The following NRXN3 variants were observed in gnomAD, a reference collection of about 807,000 sequenced individuals.
NRXN3 encodes neurexin 3.
Under a neutral mutation model 137.6 loss-of-function variants are expected in NRXN3, and 32 were observed. The observed-to-expected ratio is 0.23, with a 90% CI of 0.18 to 0.31. The LOEUF (loss-of-function observed/expected upper bound fraction) is 0.31. Ranked by LOEUF, NRXN3 falls within the 10% of genes least tolerant of loss-of-function variation. The pLI is 1.00. For missense variants in NRXN3, 1,574 were observed against 2,062.5 expected, an observed-to-expected ratio of 0.76 and a Z score of 4.59; for synonymous variants, 798 against 784.5, an observed-to-expected ratio of 1.02 and a Z score of -0.29.
At chr14:79,264,523 TGTG>T (rs1413549594) in intron 15 of NRXN3, among the ~76,000 whole-genome samples, 24 of 1,474 alleles carry the variant, frequency 0.016, no homozygotes, top group Middle Eastern at 0.5. Context: ...GTTTACATGA[TGTG>T]TGTGTGTGTG....
chr14:78,859,309 G>T (rs1460877797), intron 10 of NRXN3, among the ~76,000 whole-genome samples: 3 of 152,016 alleles, frequency 2.0e-5, no homozygotes, highest in Non-Finnish European at 4.4e-5. Context: ...CCTTCATAGC[G>T]GTGTGAGAAT....
intron 16 of NRXN3, among the ~76,000 whole-genome samples, chr14:79,583,696 T>C (rs926462766): frequency 1.3e-5 from 2 of 152,160 alleles, no homozygotes; most frequent in Non-Finnish European, 2.9e-5. Flanking sequence ...AAAAACTGTT[T>C]ATGTTTGGAG....
At chr14:79,322,796 G>A (rs966170191) in intron 15 of NRXN3, among the ~76,000 whole-genome samples, 1 of 152,224 alleles carries the variant, frequency 6.6e-6, no homozygotes, top group African/African-American at 2.4e-5. Flanking sequence ...GAAATGTACA[G>A]TGCAAATTAT....
chr14:79,394,156 G>A (rs1292949807), intron 15 of NRXN3, among the ~76,000 whole-genome samples: 2 of 152,174 alleles, frequency 1.3e-5, no homozygotes, highest in African/African-American at 4.8e-5. Context: ...TAAAAATTGT[G>A]TTGAAAGGTA....
intron 4 of NRXN3, among the ~76,000 whole-genome samples, chr14:78,424,992 A>G (rs1468385521): frequency 6.6e-6 from 1 of 152,172 alleles, no homozygotes; most frequent in Non-Finnish European, 1.5e-5. Context: ...GTGTCTGAGG[A>G]CAGTGGCTTG....
rs973384744 is a variant in NRXN3, at chr14:79,818,086, C to T, written c.4093+12896C>T. 1.2e-4 allele frequency among the ~76,000 whole-genome samples: 14 copies of T among 121,050 alleles called. No individual in the cohort carries two copies. The South Asian group carries it at 1.4e-3, about 12-fold the overall frequency. The allele number at this position is 121,050 out of a possible 152,430, so 79.4% of individuals were successfully genotyped here. Reference sequence around the variant, plus strand: ...TTTTTTTTTTTTTGAGACGGAGTCTCGCTGTCACCCAGGCTGGAGTGCAGT... The same window carrying T: ...TTTTTTTTTTTTTGAGACGGAGTCTTGCTGTCACCCAGGCTGGAGTGCAGT... On this transcript the variant is annotated intron_variant, in intron 20 of 20. Transcript: ENST00000335750.
intron 15 of NRXN3, among the ~76,000 whole-genome samples, chr14:79,156,092 A>G (rs2060230285): frequency 6.6e-6 from 1 of 151,864 alleles, no homozygotes. Flanking sequence ...ATAATAAAAC[A>G]ACCATCACAA....
At chr14:78,733,435 A>T (rs1567174876) in intron 8 of NRXN3, among the ~76,000 whole-genome samples, 1 of 152,172 alleles carries the variant, frequency 6.6e-6, no homozygotes, top group Non-Finnish European at 1.5e-5. Context: ...TAGTCTATGT[A>T]GCCATTTCAA....
intron 20 of NRXN3, among the ~76,000 whole-genome samples, chr14:79,849,017 GTCATCATTCTT>G (rs2099386262): frequency 6.6e-6 from 1 of 152,024 alleles, no homozygotes; most frequent in African/African-American, 2.4e-5. Context: ...CTCCACATTT[GTCATCATTCTT>G]GGGCCCCTGT....
At chr14:78,751,493 C>G (rs1189223630) in intron 8 of NRXN3, among the ~76,000 whole-genome samples, 4 of 152,122 alleles carry the variant, frequency 2.6e-5, no homozygotes, top group Non-Finnish European at 5.9e-5. Context: ...TTCTTGGAGG[C>G]TGTGTCTCCT....
rs2098253032 is a variant in NRXN3, at chr14:78,698,908, A to G, written c.1222-10309A>G. Among the ~76,000 whole-genome samples the G allele has an allele frequency of 2.6e-5, 4 of 152,190 alleles. No homozygotes were observed. The South Asian group carries it at 8.3e-4, about 32-fold the overall frequency. On this transcript the variant is annotated intron_variant, in intron 6 of 20. Transcript: ENST00000335750. The stretch of plus-strand genomic sequence containing the variant: ...CATCTCATTACTTATTTTCAGGCAG[A>G]ATAGATATAGAGGCTTCTTTCTGCA...
At chr14:78,940,190 C>G (rs182834034) in intron 10 of NRXN3, among the ~76,000 whole-genome samples, 1 of 152,306 alleles carries the variant, frequency 6.6e-6, no homozygotes, top group Middle Eastern at 3.4e-3. Flanking sequence ...CTTGCATGCT[C>G]TCTTAATCTC....
At chr14:79,126,757 T>A (rs926567521) in intron 15 of NRXN3, among the ~76,000 whole-genome samples, 1 of 152,146 alleles carries the variant, frequency 6.6e-6, no homozygotes, top group Non-Finnish European at 1.5e-5. Context: ...CACACTGACT[T>A]CCACAATGGT....
chr14:78,948,628 C>CTTTTTTTTTTTTTTTTTTTTTTTTTT (rs201010514), intron 10 of NRXN3, among the ~76,000 whole-genome samples: 8 of 108,604 alleles, frequency 7.4e-5, no homozygotes, highest in African/African-American at 1.3e-4. Flanking sequence ...ACACATTTAA[C>CTTTTTTTTTTTTTTTTTTTTTTTTTT]TTTTTTTTTT....
At chr14:79,769,878 C>T (rs2099070869) in intron 19 of NRXN3, among the ~76,000 whole-genome samples, 1 of 152,102 alleles carries the variant, frequency 6.6e-6, no homozygotes, top group African/African-American at 2.4e-5. Context: ...TCAGGAAACC[C>T]ATCTCACATG....
chr14:78,368,659 C>T (rs975422425), intron 4 of NRXN3, among the ~76,000 whole-genome samples: 1 of 152,186 alleles, frequency 6.6e-6, no homozygotes, highest in Admixed American at 6.5e-5. Flanking sequence ...CACACCATTG[C>T]ACTCCAGCCT....
intron 15 of NRXN3, among the ~76,000 whole-genome samples, chr14:79,331,291 A>G (rs2091645819): frequency 6.6e-6 from 1 of 152,204 alleles, no homozygotes. Flanking sequence ...CTTATGCACA[A>G]GGTATAAAAG....
chr14:79,419,650 A>G (rs1341963062), intron 15 of NRXN3, among the ~76,000 whole-genome samples: 2 of 152,214 alleles, frequency 1.3e-5, no homozygotes, highest in Admixed American at 6.5e-5. Flanking sequence ...TGAAAGAGAG[A>G]GAGAAAGACA....
chr14:79,348,681 C>T lies in NRXN3; in HGVS notation c.3263-118540C>T, dbSNP rs554152877. On this transcript the variant is annotated intron_variant, in intron 15 of 20. Coordinates refer to ENST00000335750, the MANE Select transcript of NRXN3 (RefSeq NM_001330195.2). ...CGTAAGCCACCGCGCCCGGCCTAAT[C>T]TTCTTAATTTGTCACTTAGAGTAGG... 2.5e-3 allele frequency among the ~76,000 whole-genome samples: 379 copies of T among 152,202 alleles called. 2 individuals carry two copies. The highest frequency in any genetic ancestry group is 8.9e-3 in the African/African-American group (368 of 41,548).
Sources: allele counts gnomAD v4.1 joint callset (sites outside exome capture counted in the v4.1 genomes callset), GRCh38; gene constraint gnomAD v4.1.1; transcripts MANE v1.5; gene names NCBI Gene and HGNC (gene_info 2026-07-23, HGNC 2026-07-21).